The following FSTL5 variants were observed in gnomAD, a reference collection of about 807,000 sequenced individuals.
FSTL5 encodes the protein follistatin like 5, also known as follistatin-related protein 5.
Under a neutral mutation model 89.1 loss-of-function variants are expected in FSTL5, and 62 were observed. The ratio of observed to expected loss-of-function variants is 0.70; its 90% CI spans 0.57 to 0.86. The LOEUF (loss-of-function observed/expected upper bound fraction) is 0.86, where lower values mean the gene tolerates loss of function less well. FSTL5 is among the 40% of genes least tolerant of loss of function. FSTL5 has a pLI of 0.00. For synonymous variants in FSTL5, 383 were observed against 346.2 expected (o/e 1.11, Z -1.18); for missense variants, 1,057 against 1,001.6 (o/e 1.06, Z -0.75).
intron 3 of FSTL5, among the ~76,000 whole-genome samples, chr4:162,018,356 G>C (rs562906841): frequency 9.6e-4 from 146 of 152,166 alleles, no homozygotes; most frequent in African/African-American, 3.3e-3. Context: ...CACCCAAACA[G>C]CATAAGTTTT....
intron 13 of FSTL5, among the ~76,000 whole-genome samples, chr4:161,471,264 A>C (rs1217901415): frequency 6.6e-6 from 1 of 152,238 alleles, no homozygotes; most frequent in Non-Finnish European, 1.5e-5. Context: ...TTTATTATGA[A>C]AGAGTGTTAA....
intron 3 of FSTL5, among the ~76,000 whole-genome samples, chr4:161,921,113 G>T (rs1733982986): frequency 6.6e-6 from 1 of 152,292 alleles, no homozygotes; most frequent in East Asian, 1.9e-4. Context: ...CATGATAGAT[G>T]TTCCATAAAT....
At chr4:161,968,065 G>A (rs1307129942) in intron 3 of FSTL5, among the ~76,000 whole-genome samples, 1 of 151,690 alleles carries the variant, frequency 6.6e-6, no homozygotes, top group Non-Finnish European at 1.5e-5. Flanking sequence ...TAGAAGAAGA[G>A]CTTTGGTGTA....
chr4:161,530,664 C>T (rs1015269598), intron 10 of FSTL5, among the ~76,000 whole-genome samples: 4 of 151,520 alleles, frequency 2.6e-5, no homozygotes, highest in African/African-American at 9.7e-5. Context: ...ATATTTAGAC[C>T]GTAAAATTCT....
intron 7 of FSTL5, among the ~76,000 whole-genome samples, chr4:161,633,409 C>T (rs977132626): frequency 1.1e-4 from 16 of 151,426 alleles, no homozygotes; most frequent in Admixed American, 7.2e-4. Flanking sequence ...TGCAGTGGCG[C>T]GATCGCGGCT....
At chr4:161,699,454 G>A (rs761413177) in intron 6 of FSTL5, among the ~76,000 whole-genome samples, 1 of 152,072 alleles carries the variant, frequency 6.6e-6, no homozygotes, top group Non-Finnish European at 1.5e-5. Context: ...AGATTCCAGC[G>A]ACTTCCATTC....
intron 6 of FSTL5, among the ~76,000 whole-genome samples, chr4:161,735,661 ACTTTC>A (rs1739784943): frequency 6.6e-6 from 1 of 152,150 alleles, no homozygotes; most frequent in African/African-American, 2.4e-5. Context: ...TAGTATAAAT[ACTTTC>A]ATTTGTTATT....
At chr4:161,767,750 T>C (rs1446195978) in intron 5 of FSTL5, among the ~76,000 whole-genome samples, 1 of 152,080 alleles carries the variant, frequency 6.6e-6, no homozygotes, top group Non-Finnish European at 1.5e-5. Context: ...CGATTCAGAG[T>C]TCCACATACT....
intron 11 of FSTL5, among the ~76,000 whole-genome samples, chr4:161,500,348 G>A (rs1194875872): frequency 6.6e-6 from 1 of 152,000 alleles, no homozygotes; most frequent in East Asian, 1.9e-4. Context: ...CTGCAGTTTA[G>A]TGGTTTCTTT....
At chr4:161,855,998 T>G (rs1731709012) in intron 4 of FSTL5, among the ~76,000 whole-genome samples, 1 of 152,106 alleles carries the variant, frequency 6.6e-6, no homozygotes, top group South Asian at 2.1e-4. Context: ...TTGCGTTTCT[T>G]TTATTTTTAA....
intron 7 of FSTL5, among the ~76,000 whole-genome samples, chr4:161,628,984 C>T (rs1735405896): frequency 6.6e-6 from 1 of 152,156 alleles, no homozygotes; most frequent in African/African-American, 2.4e-5. Flanking sequence ...GTTATAATTT[C>T]TCAAAGAGCC....
intron 4 of FSTL5, among the ~76,000 whole-genome samples, chr4:161,872,129 T>G (rs111305078): frequency 2.9e-3 from 52 of 17,918 alleles, no homozygotes; most frequent in African/African-American, 0.022. Flanking sequence ...TTGTAGTTTG[T>G]TTTTTTTTTT....
chr4:161,529,697 T>G (rs1267790015), intron 10 of FSTL5, among the ~76,000 whole-genome samples: 1 of 142,250 alleles, frequency 7.0e-6, no homozygotes, highest in Non-Finnish European at 1.5e-5. Context: ...TTTCCATAAA[T>G]ATTTGTTTTT....
chr4:161,701,268 G>T (rs1300190414), intron 6 of FSTL5, among the ~76,000 whole-genome samples: 2 of 152,062 alleles, frequency 1.3e-5, no homozygotes, highest in African/African-American at 2.4e-5. Flanking sequence ...TATCAAGAAA[G>T]AAAAAATAAT....
At chr4:161,539,449 T>A (rs1021797477) in intron 9 of FSTL5, among the ~76,000 whole-genome samples, 1 of 152,192 alleles carries the variant, frequency 6.6e-6, no homozygotes, top group Non-Finnish European at 1.5e-5. Flanking sequence ...ATCATTTGAA[T>A]AACTTGAAGT....
chr4:161,760,218 C>T (rs1009551095), intron 5 of FSTL5, among the ~76,000 whole-genome samples: 19 of 152,128 alleles, frequency 1.2e-4, no homozygotes, highest in African/African-American at 4.8e-5. Context: ...CTATGGACTG[C>T]GGCTGCAGCT....
At chr4:162,124,377 C>G (rs1731986748) in intron 1 of FSTL5, among the ~76,000 whole-genome samples, 1 of 152,134 alleles carries the variant, frequency 6.6e-6, no homozygotes. Flanking sequence ...ACACAGTAAG[C>G]CTGACCACCA....
At chr4:161,503,812 T>C (rs1012543512) in intron 11 of FSTL5, among the ~76,000 whole-genome samples, 1 of 151,736 alleles carries the variant, frequency 6.6e-6, no homozygotes, top group Admixed American at 6.6e-5. Context: ...CAAGAATGAA[T>C]GGATAAGCAA....
At chr4:162,048,425 A>T (rs2111250853) in intron 2 of FSTL5, among the ~76,000 whole-genome samples, 1 of 152,274 alleles carries the variant, frequency 6.6e-6, no homozygotes, top group East Asian at 1.9e-4. Flanking sequence ...TTTAGAAAAA[A>T]GAAAACCTTA....
Sources: gnomAD v4.1 joint callset for allele counts (sites outside exome capture counted in the v4.1 genomes callset) on GRCh38, gnomAD v4.1.1 for gene constraint, MANE v1.5 for transcripts, NCBI Gene and HGNC (gene_info 2026-07-23, HGNC 2026-07-21) for gene names.